Variants in MMRN1 observed in about 807,000 individuals in gnomAD.
MMRN1 encodes multimerin 1.
Under a neutral mutation model 100.7 loss-of-function variants are expected in MMRN1, and 94 were observed. That is an observed-to-expected ratio of 0.93 (90% confidence interval 0.79 to 1.11). MMRN1 has a LOEUF of 1.11. Among genes scored for constraint, MMRN1 ranks in the 50% least tolerant of loss-of-function variants. The pLI, the probability that MMRN1 is intolerant of heterozygous loss-of-function variation, is 0.00. For synonymous variants in MMRN1, 575 were observed against 505.0 expected (o/e 1.14, Z -1.86); for missense variants, 1,606 against 1,439.1 (o/e 1.12, Z -1.88).
intron 5 of MMRN1, among the ~76,000 whole-genome samples, chr4:89,928,417 C>A (rs950105619): frequency 2.0e-5 from 3 of 152,026 alleles, no homozygotes; most frequent in Non-Finnish European, 2.9e-5. Context: ...GGTGTAAAAT[C>A]TATTAAATAT....
At position 89,886,515 on chromosome 4, in the gene MMRN1, T is replaced by C. The variant is rs569715760; in HGVS notation, c.-249+6913T>C. The stretch of plus-strand genomic sequence containing the variant: ...ATGTACATTTAAAAAGTATGTGTTC[T>C]GTAGTTGTTGGATGTTCTATGAATA... On this transcript the variant is annotated intron_variant, in intron 1 of 8. Transcript: ENST00000394980. Among the ~76,000 whole-genome samples, 59 of 152,264 alleles carry C rather than the reference T, an allele frequency of 3.9e-4. 1 individual carries two copies. The highest frequency in any genetic ancestry group is 6.0e-4 in the Non-Finnish European group (41 of 68,000).
chr4:89,928,002 T>A, intron 5 of MMRN1, 34 bp downstream of exon 5: 1 of 1,454,198 alleles, frequency 6.9e-7, no homozygotes, highest in Non-Finnish European at 9.3e-7. Flanking sequence ...ATTCATTCAG[T>A]AACACAGAAA....
intron 1 of MMRN1, among the ~76,000 whole-genome samples, chr4:89,882,692 A>G (rs538634783): frequency 1.3e-5 from 2 of 152,112 alleles, no homozygotes; most frequent in South Asian, 4.1e-4. Context: ...GATGAATACA[A>G]TGATAGGAAG....
chr4:89,897,312 G>C (rs1030713258), intron 1 of MMRN1, among the ~76,000 whole-genome samples: 4 of 151,930 alleles, frequency 2.6e-5, no homozygotes, highest in Admixed American at 6.6e-5. Context: ...AGGTTCAAGC[G>C]ATTCTCTTGC....
intron 4 of MMRN1, among the ~76,000 whole-genome samples, chr4:89,927,423 C>T (rs755300119): frequency 3.9e-5 from 6 of 151,922 alleles, no homozygotes; most frequent in Admixed American, 6.6e-5. Flanking sequence ...TTATTCACTG[C>T]TGGCATATAA....
chr4:89,933,854 C>A lies in MMRN1; in HGVS notation c.1130-956C>A, dbSNP rs1483478302. ...ATATTTTGAATTTGAATGGACATAT[C>A]TTCCAGTTATGTGTACTTCATCACT... On this transcript the variant is annotated intron_variant, in intron 5 of 7. Coordinates refer to ENST00000264790, the MANE Select transcript of MMRN1 (RefSeq NM_007351.3). 2.6e-5 allele frequency among the ~76,000 whole-genome samples: 4 copies of A among 152,270 alleles called. No individual in the cohort carries two copies. In the South Asian group the frequency reaches 6.2e-4, roughly 24 times the overall value.
intron 6 of MMRN1, among the ~76,000 whole-genome samples, chr4:89,940,694 C>T (rs1156820557): frequency 1.3e-5 from 2 of 151,950 alleles, no homozygotes; most frequent in Admixed American, 6.6e-5. Context: ...ACATACAAAC[C>T]TTATAAGTTT....
At chr4:89,942,455 G>T (rs1223197783) in intron 6 of MMRN1, among the ~76,000 whole-genome samples, 1 of 152,090 alleles carries the variant, frequency 6.6e-6, no homozygotes, top group Non-Finnish European at 1.5e-5. Context: ...AAGTGAACAT[G>T]ATATTTTCAT....
At chr4:89,909,561 C>T (rs758907256) in intron 2 of MMRN1, among the ~76,000 whole-genome samples, 166 bp downstream of exon 2, 2 of 151,412 alleles carry the variant, frequency 1.3e-5, no homozygotes, top group Non-Finnish European at 3.0e-5. Flanking sequence ...TAATATTTGC[C>T]TCATATGGTC....
In MMRN1 at chr4:89,954,237, C is replaced by T. The variant is rs1381801055; in HGVS notation, c.*819C>T. On this transcript the variant is annotated 3_prime_UTR_variant, in exon 8 of 8. Transcript: ENST00000264790. ...ATGGGATGCTCACTATGCCCTGTTT[C>T]TCTTCTAAACAATTTACATGTAATG... 1 of 152,212 alleles carries T rather than the reference C, an allele frequency of 6.6e-6. No homozygotes were observed. The highest frequency in any genetic ancestry group is 2.4e-5 in the African/African-American group (1 of 41,442). The allele number at this position is 152,212 out of a possible 1,614,324, so 9.4% of individuals were successfully genotyped here. A position where few individuals can be genotyped will look rare whatever the true frequency, so the allele number is the denominator to read the frequency against.
At chr4:89,923,675 A>C (rs1038917508) in intron 4 of MMRN1, among the ~76,000 whole-genome samples, 1 of 152,340 alleles carries the variant, frequency 6.6e-6, no homozygotes, top group Admixed American at 6.5e-5. Context: ...GAGGTTGCTT[A>C]ATGGGTACTG....
In MMRN1 at chr4:89,935,255, G is replaced by A; in HGVS notation, c.1575G>A (p.Gln525=). The change falls in exon 6 of 8, where the codon CAG becomes CAA. Residue 525 remains glutamine, a synonymous_variant. Transcript: ENST00000264790. ...ATGAGCAGCTTTTATCAACTGAACAGGTATCAGACCAGAAGAATGCTCCAG... is the reference window on the plus strand; with the variant it reads ...ATGAGCAGCTTTTATCAACTGAACAAGTATCAGACCAGAAGAATGCTCCAG... ...EVHEQLLSTE[Q]VSDQKNAPAA... is the part of the protein sequence containing the mutation. 6.2e-7 allele frequency: 1 copy of A among 1,613,720 alleles called. No individual in the cohort carries two copies. Among genetic ancestry groups the A allele is most frequent in the Non-Finnish European group, 8.5e-7 (1 of 1,179,772 alleles).
intron 1 of MMRN1, among the ~76,000 whole-genome samples, chr4:89,883,146 A>G (rs1720857507): frequency 6.6e-6 from 1 of 152,060 alleles, no homozygotes; most frequent in Admixed American, 6.6e-5. Context: ...GTAATATTCC[A>G]TTCCTTGTTT....
chr4:89,903,453 A>G (rs1721454787), intron 1 of MMRN1, among the ~76,000 whole-genome samples: 1 of 151,728 alleles, frequency 6.6e-6, no homozygotes, highest in African/African-American at 2.4e-5. Flanking sequence ...GACTTGAAAC[A>G]TACAAGCAAT....
rs1722547276 is a variant in MMRN1 at position 89,934,755 on chromosome 4, T to C, written c.1130-55T>C. ...TTTCAAACTTTTTATCTTTTAGAGA[T>C]GCTTAAAGTCTCATATAATTAAAAC... On this transcript the variant is annotated intron_variant, in intron 5 of 7. Transcript: ENST00000264790. 4.9e-6 allele frequency: 5 copies of C among 1,012,218 alleles called. No individual in the cohort carries two copies. The South Asian group carries it at 1.2e-4, about 24-fold the overall frequency. The allele number at this position is 1,012,218 out of a possible 1,614,324, so 62.7% of individuals were successfully genotyped here. A position where few individuals can be genotyped will look rare whatever the true frequency, so the allele number is the denominator to read the frequency against.
chr4:89,947,134 T>A (rs984206342), intron 6 of MMRN1, among the ~76,000 whole-genome samples: 1 of 151,956 alleles, frequency 6.6e-6, no homozygotes, highest in African/African-American at 2.4e-5. Context: ...ATACAAAAAA[T>A]AGCCTGGCAT....
At chr4:89,915,105 T>C (rs1458192475) in intron 3 of MMRN1, among the ~76,000 whole-genome samples, 3 of 151,598 alleles carry the variant, frequency 2.0e-5, no homozygotes, top group Non-Finnish European at 4.4e-5. Flanking sequence ...TTACAAATGC[T>C]GGGAAATCAT....
chr4:89,881,158 T>C (rs753618875), intron 1 of MMRN1, among the ~76,000 whole-genome samples: 4 of 152,116 alleles, frequency 2.6e-5, no homozygotes, highest in Non-Finnish European at 5.9e-5. Flanking sequence ...ACAGTTTGCA[T>C]ACAGTAAGCT....
rs745389768 is a variant in MMRN1 at position 89,936,510 on chromosome 4, A to T, written c.2830A>T (p.Thr944Ser). The T allele has an allele frequency of 6.2e-7, 1 of 1,613,296 alleles. No individual in the cohort carries two copies. The change falls in exon 6 of 8, where the codon ACC becomes TCC. Residue 944 changes from threonine to serine, a missense_variant. Thr to Ser is a moderately conservative substitution (Grantham distance 58). Coordinates refer to ENST00000264790, the MANE Select transcript of MMRN1 (RefSeq NM_007351.3). The part of the protein sequence containing the change: ...ASTSVSELNA[T>S]IPKWIKHSLP... Reference sequence around the variant, plus strand: ...TACAAGTGTGTCAGAACTGAATGCTACCATCCCTAAGTGGATAAAACATTC... The same window carrying T: ...TACAAGTGTGTCAGAACTGAATGCTTCCATCCCTAAGTGGATAAAACATTC...
Sources: allele counts gnomAD v4.1 joint callset (sites outside exome capture counted in the v4.1 genomes callset), GRCh38; gene constraint gnomAD v4.1.1; transcripts MANE v1.5; gene names NCBI Gene and HGNC (gene_info 2026-07-23, HGNC 2026-07-21).